B4GALT6: variants seen among roughly 807,000 people sequenced by gnomAD.
B4GALT6 encodes the protein beta-1,4-galactosyltransferase 6.
Under a neutral mutation model 46.3 loss-of-function variants are expected in B4GALT6, and 14 were observed. The observed-to-expected ratio is 0.30, with a 90% CI of 0.20 to 0.47. The LOEUF is 0.47. Among genes scored for constraint, B4GALT6 ranks in the 20% least tolerant of loss-of-function variants. The pLI is 0.99. For missense variants in B4GALT6, 386 were observed against 480.1 expected, an observed-to-expected ratio of 0.80 and a Z score of 1.83; for synonymous variants, 168 against 162.0, an observed-to-expected ratio of 1.04 and a Z score of -0.28.
intron 4 of B4GALT6, among the ~76,000 whole-genome samples, chr18:31,639,806 AAC>A (rs2073907502): frequency 6.6e-6 from 1 of 152,178 alleles, no homozygotes; most frequent in South Asian, 2.1e-4. Flanking sequence ...AACACTTAAA[AAC>A]ACCATTTATA....
At chr18:31,701,082 T>C in the B4GALT6 span, among the ~76,000 whole-genome samples, 1 of 152,202 alleles carries the variant, frequency 6.6e-6, no homozygotes, top group Non-Finnish European at 1.5e-5. Flanking sequence ...TATATTGATA[T>C]GGTTTGGATC....
chr18:31,706,879 G>T, the B4GALT6 span, among the ~76,000 whole-genome samples: 1 of 152,190 alleles, frequency 6.6e-6, no homozygotes, highest in Non-Finnish European at 1.5e-5. Context: ...AACTTACTGA[G>T]TGCTCTGCAA....
chr18:31,693,946 G>A, the B4GALT6 span, among the ~76,000 whole-genome samples: 1 of 152,206 alleles, frequency 6.6e-6, no homozygotes, highest in Non-Finnish European at 1.5e-5. Context: ...CTGGGAGACA[G>A]AGTGAGGCTC....
chr18:31,662,217 T>C (rs2074225811), intron 2 of B4GALT6, among the ~76,000 whole-genome samples: 2 of 152,336 alleles, frequency 1.3e-5, no homozygotes, highest in Admixed American at 6.5e-5. Context: ...ATTCACTTCA[T>C]TGAATACAAA....
At chr18:31,723,755 T>A in the B4GALT6 span, among the ~76,000 whole-genome samples, 1 of 152,196 alleles carries the variant, frequency 6.6e-6, no homozygotes, top group African/African-American at 2.4e-5. Context: ...GACCGTAATG[T>A]GTGCTCTGCC....
upstream of B4GALT6, among the ~76,000 whole-genome samples, chr18:31,690,682 G>C (rs2030078665): frequency 6.6e-6 from 1 of 151,588 alleles, no homozygotes; most frequent in Non-Finnish European, 1.5e-5. Flanking sequence ...TGTTGGTCAG[G>C]CTGGTCTCAA....
intron 1 of B4GALT6, among the ~76,000 whole-genome samples, chr18:31,669,016 A>C (rs1010262307): frequency 9.4e-4 from 124 of 132,074 alleles, no homozygotes; most frequent in Non-Finnish European, 1.6e-3. Context: ...ACCCTGTGTC[A>C]AAAAAAAAAA....
Position 31,625,548 on chromosome 18 carries a change from A to G in B4GALT6, c.*66T>C. 6.3e-7 allele frequency: 1 copy of G among 1,582,538 alleles called. No homozygotes were observed. The highest frequency in any genetic ancestry group is 8.6e-7 in the Non-Finnish European group (1 of 1,157,432). On this transcript the variant is annotated 3_prime_UTR_variant, in exon 9 of 9. Coordinates refer to ENST00000306851, the MANE Select transcript of B4GALT6 (RefSeq NM_004775.5). Reference sequence around the variant, plus strand: ...GTGACACAGCCAATCACTGACCTCCACTAAGAGCGCGCTCCAAGTTTATGA... The same window carrying G: ...GTGACACAGCCAATCACTGACCTCCGCTAAGAGCGCGCTCCAAGTTTATGA...
intron 2 of B4GALT6, among the ~76,000 whole-genome samples, chr18:31,663,549 G>C (rs575848312): frequency 3.3e-5 from 5 of 152,116 alleles, no homozygotes; most frequent in Non-Finnish European, 5.9e-5. Flanking sequence ...GTCAGGTATA[G>C]GATTAAAAAC....
chr18:31,671,523 C>A (rs1273277440), intron 1 of B4GALT6, among the ~76,000 whole-genome samples: 1 of 152,068 alleles, frequency 6.6e-6, no homozygotes, highest in Non-Finnish European at 1.5e-5. Flanking sequence ...TTTCATATGT[C>A]TGTTGGCTGC....
the B4GALT6 span, among the ~76,000 whole-genome samples, chr18:31,714,200 T>G: frequency 6.6e-6 from 1 of 152,232 alleles, no homozygotes; most frequent in Non-Finnish European, 1.5e-5. Context: ...TGGTGTTCAG[T>G]AGTCACACGT....
At chr18:31,681,829 AC>A (rs2074483340) in intron 1 of B4GALT6, among the ~76,000 whole-genome samples, 1 of 152,180 alleles carries the variant, frequency 6.6e-6, no homozygotes, top group African/African-American at 2.4e-5. Context: ...GAGATTTGAA[AC>A]GCTTTTTAGG....
At chr18:31,634,586 T>C (rs2073834545) in intron 5 of B4GALT6, among the ~76,000 whole-genome samples, 1 of 152,198 alleles carries the variant, frequency 6.6e-6, no homozygotes, top group African/African-American at 2.4e-5. Context: ...TTTCTGTCCT[T>C]GAGGTTTAAT....
At chr18:31,701,225 T>C in the B4GALT6 span, among the ~76,000 whole-genome samples, 21 of 152,144 alleles carry the variant, frequency 1.4e-4, no homozygotes, top group Non-Finnish European at 7.4e-5. Flanking sequence ...GCTGTTCTTG[T>C]GGTGGTGAGT....
chr18:31,662,038 C>T (rs114256364), intron 2 of B4GALT6, among the ~76,000 whole-genome samples: 91 of 152,308 alleles, frequency 6.0e-4, no homozygotes, highest in African/African-American at 2.0e-3. Flanking sequence ...GCAAAACAAA[C>T]TATTAACTCC....
At chr18:31,632,939 A>C (rs758843991) in intron 5 of B4GALT6, among the ~76,000 whole-genome samples, 3 of 152,114 alleles carry the variant, frequency 2.0e-5, no homozygotes, top group Non-Finnish European at 4.4e-5. Flanking sequence ...CCATGTGTGC[A>C]TATCACCTGG....
chr18:31,692,559 T>C, the B4GALT6 span, among the ~76,000 whole-genome samples: 1 of 148,356 alleles, frequency 6.7e-6, no homozygotes, highest in East Asian at 2.0e-4. Context: ...TAAAACTTCA[T>C]AAAATAGGGA....
chr18:31,720,202 C>T, the B4GALT6 span, among the ~76,000 whole-genome samples: 73 of 152,348 alleles, frequency 4.8e-4, no homozygotes, highest in Admixed American at 2.0e-3. Flanking sequence ...TAATTTCTTT[C>T]ACTGTCATAA....
chr18:31,658,657 T>C (rs1318946990), intron 2 of B4GALT6, among the ~76,000 whole-genome samples: 1 of 152,150 alleles, frequency 6.6e-6, no homozygotes, highest in Non-Finnish European at 1.5e-5. Flanking sequence ...ATTAGGTCCA[T>C]TATCTTTAGA....
Sources: allele counts gnomAD v4.1 joint callset (sites outside exome capture counted in the v4.1 genomes callset), GRCh38; gene constraint gnomAD v4.1.1; transcripts MANE v1.5; gene names NCBI Gene and HGNC (gene_info 2026-07-23, HGNC 2026-07-21).